The following IQGAP2 variants were observed in gnomAD, a reference collection of about 807,000 sequenced individuals.
IQGAP2 encodes ras GTPase-activating-like protein IQGAP2.
IQGAP2 carries 173 observed loss-of-function variants against 201.3 expected under a neutral mutation model. That is an observed-to-expected ratio of 0.86 (90% confidence interval 0.76 to 0.98). IQGAP2 has a LOEUF of 0.98. Ranked by LOEUF, IQGAP2 falls within the 50% of genes least tolerant of loss-of-function variation. The pLI is 0.00. For missense variants in IQGAP2, 1,687 were observed against 1,864.8 expected (o/e 0.90, Z 1.76); for synonymous variants, 675 against 673.9 (o/e 1.00, Z -0.03).
At chr5:76,658,340 C>G in intron 20 of IQGAP2, 119 bp from the exon 21 acceptor site, 2 of 832,054 alleles carry the variant, frequency 2.4e-6, no homozygotes, top group Non-Finnish European at 4.0e-6. Context: ...GATTCTCACC[C>G]TAGACCAAGT....
chr5:76,534,054 TC>T (rs1759483766), intron 2 of IQGAP2, among the ~76,000 whole-genome samples: 1 of 152,226 alleles, frequency 6.6e-6, no homozygotes, highest in South Asian at 2.1e-4. Flanking sequence ...AAACACCTTC[TC>T]CTATATATTC....
At chr5:76,547,357 T>C (rs2150227980) in intron 2 of IQGAP2, 2 of 681,324 alleles carry the variant, frequency 2.9e-6, no homozygotes, top group South Asian at 6.5e-5. Flanking sequence ...CTCTTGGTGT[T>C]CTGGAATGTC....
At position 76,611,179 on chromosome 5, in the gene IQGAP2, T is replaced by C. The variant is rs980754951; in HGVS notation, c.1517T>C (p.Leu506Pro). ...TTATACCATGCTAAATCACAGAAAC[T>C]CGGAGTAAGTTTTAGTATATCTGTT... ...DVLYHAKSQKLGDSESVSKVL... is the reference protein window; with the variant it reads ...DVLYHAKSQKPGDSESVSKVL... The change falls in exon 13 of 36, where the codon CTC (leucine) becomes CCC (proline). Residue 506 changes from leucine (L) to proline (P), a missense_variant. Physicochemically the swap from Leu to Pro is moderately conservative, Grantham distance 98. Coordinates refer to ENST00000274364, the MANE Select transcript of IQGAP2 (RefSeq NM_006633.5). 2.5e-6 allele frequency: 4 copies of C among 1,607,378 alleles called. No individual in the cohort carries two copies. Among genetic ancestry groups the C allele is most frequent in the African/African-American group, 2.7e-5 (2 of 74,580 alleles).
At chr5:76,414,083 C>T (rs1000990791) in intron 1 of IQGAP2, among the ~76,000 whole-genome samples, 16 of 152,126 alleles carry the variant, frequency 1.1e-4, no homozygotes, top group Non-Finnish European at 2.9e-5. Flanking sequence ...AAACCTGGGC[C>T]GCAACTCACG....
intron 13 of IQGAP2, chr5:76,623,067 T>C: frequency 9.4e-7 from 1 of 1,060,668 alleles, no homozygotes. Context: ...CCTTTGGGGT[T>C]TACAGTTTGT....
chr5:76,517,633 T>C (rs1202566879), intron 2 of IQGAP2, among the ~76,000 whole-genome samples: 1 of 149,100 alleles, frequency 6.7e-6, no homozygotes, highest in East Asian at 2.0e-4. Context: ...AGTAAGTATA[T>C]AAGAAAGACA....
chr5:76,505,076 T>A (rs552694964), intron 2 of IQGAP2, among the ~76,000 whole-genome samples: 2 of 152,270 alleles, frequency 1.3e-5, no homozygotes, highest in East Asian at 3.9e-4. Flanking sequence ...GAGGTCAGTG[T>A]CTAGGGGGGT....
chr5:76,597,247 A>G, intron 9 of IQGAP2, 192 bp from the exon 10 acceptor site: 1 of 597,042 alleles, frequency 1.7e-6, no homozygotes, highest in Non-Finnish European at 3.0e-6. Context: ...TGTAGGCACT[A>G]ATTCCAAAGA....
At chr5:76,593,391 A>C (rs775960570) in intron 9 of IQGAP2, among the ~76,000 whole-genome samples, 2 of 152,302 alleles carry the variant, frequency 1.3e-5, no homozygotes, top group Non-Finnish European at 2.9e-5. Context: ...CTTTGGTGCC[A>C]GTGAATGGGA....
intron 21 of IQGAP2, among the ~76,000 whole-genome samples, chr5:76,661,988 G>A (rs1215056010): frequency 6.6e-6 from 1 of 152,166 alleles, no homozygotes; most frequent in African/African-American, 2.4e-5. Context: ...TCAAACCATG[G>A]TATTCCTCCA....
At chr5:76,667,858 CG>C (rs1743919378) in intron 22 of IQGAP2, among the ~76,000 whole-genome samples, 1 of 145,608 alleles carries the variant, frequency 6.9e-6, no homozygotes, top group South Asian at 2.1e-4. Context: ...TCTATGTAGC[CG>C]GGCCCTTAGT....
chr5:76,656,183 T>G (rs918637101), intron 20 of IQGAP2, among the ~76,000 whole-genome samples: 5 of 151,256 alleles, frequency 3.3e-5, no homozygotes, highest in Admixed American at 6.6e-5. Context: ...TTGTTGTTTT[T>G]GGGGTTTTTT....
intron 7 of IQGAP2, 67 bp downstream of exon 7, chr5:76,589,795 T>C: frequency 1.3e-6 from 1 of 763,588 alleles, no homozygotes; most frequent in Non-Finnish European, 2.0e-6. Context: ...CTATTGATTT[T>C]GATTACTCGA....
intron 1 of IQGAP2, among the ~76,000 whole-genome samples, chr5:76,407,961 T>C (rs1441977516): frequency 6.6e-6 from 1 of 152,128 alleles, no homozygotes; most frequent in Admixed American, 6.6e-5. Flanking sequence ...TGAAACCTTG[T>C]CTCTACTAAA....
chr5:76,535,698 T>C (rs1049617598), intron 2 of IQGAP2, among the ~76,000 whole-genome samples: 2 of 152,214 alleles, frequency 1.3e-5, no homozygotes, highest in Non-Finnish European at 2.9e-5. Flanking sequence ...AAAGATAAGC[T>C]AAGCTTGTGT....
At chr5:76,648,787 A>G (rs1465520083) in intron 17 of IQGAP2, among the ~76,000 whole-genome samples, 1 of 152,232 alleles carries the variant, frequency 6.6e-6, no homozygotes, top group Non-Finnish European at 1.5e-5. Flanking sequence ...TAGTCTTTGC[A>G]GCAGAATGGA....
At chr5:76,420,157 A>G (rs1259881845) in intron 1 of IQGAP2, among the ~76,000 whole-genome samples, 3 of 152,112 alleles carry the variant, frequency 2.0e-5, no homozygotes, top group African/African-American at 7.2e-5. Context: ...CTGGTGATGA[A>G]TAGATATTTT....
chr5:76,434,179 G>C (rs957637017), intron 1 of IQGAP2, among the ~76,000 whole-genome samples: 6 of 152,128 alleles, frequency 3.9e-5, no homozygotes, highest in Admixed American at 3.3e-4. Flanking sequence ...CAAGTTTAAG[G>C]ATATATTTAA....
chr5:76,614,605 C>CTT (rs10603126), intron 13 of IQGAP2, among the ~76,000 whole-genome samples: 6,701 of 59,574 alleles, frequency 0.11, 1,901 homozygotes, highest in South Asian at 0.19. Context: ...TTCCCCTCTG[C>CTT]TTTTTTTTTT....
Sources: gnomAD v4.1 joint callset for allele counts (sites outside exome capture counted in the v4.1 genomes callset) on GRCh38, gnomAD v4.1.1 for gene constraint, MANE v1.5 for transcripts, NCBI Gene and HGNC (gene_info 2026-07-23, HGNC 2026-07-21) for gene names.